The following FAF1 variants were observed in gnomAD, a reference collection of about 807,000 sequenced individuals.
The protein encoded by FAF1 is FAS-associated factor 1.
FAF1 carries 25 observed loss-of-function variants against 92.5 expected under a neutral mutation model. The observed-to-expected ratio is 0.27, with a 90% CI of 0.20 to 0.38. The LOEUF is 0.38. Ranked by LOEUF, FAF1 falls within the 10% of genes least tolerant of loss-of-function variation. The pLI, the probability that FAF1 is intolerant of heterozygous loss-of-function variation, is 1.00. For missense variants in FAF1, 636 were observed against 793.3 expected, an observed-to-expected ratio of 0.80 and a Z score of 2.38; for synonymous variants, 234 against 273.2, an observed-to-expected ratio of 0.86 and a Z score of 1.42.
At chr1:50,490,760 A>G (rs1646829881) in intron 16 of FAF1, 95 bp from the exon 17 acceptor site, 2 of 834,656 alleles carry the variant, frequency 2.4e-6, no homozygotes, top group Admixed American at 3.7e-5. Context: ...AAGAGGAAAG[A>G]AAGAGTATGT....
chr1:50,599,717 G>A (rs966689827), intron 8 of FAF1, among the ~76,000 whole-genome samples: 2 of 152,148 alleles, frequency 1.3e-5, no homozygotes, highest in Non-Finnish European at 2.9e-5. Context: ...TGAAGAAAAA[G>A]CATGTGTGTT....
chr1:50,827,956 G>T (rs927339554), intron 2 of FAF1, among the ~76,000 whole-genome samples: 1 of 152,050 alleles, frequency 6.6e-6, no homozygotes, highest in African/African-American at 2.4e-5. Context: ...AATCTGATAT[G>T]ATCTCAATTA....
intron 14 of FAF1, among the ~76,000 whole-genome samples, chr1:50,539,060 C>T (rs933200412): frequency 2.6e-5 from 4 of 152,212 alleles, no homozygotes; most frequent in African/African-American, 9.6e-5. Context: ...CAAAATCATT[C>T]ACTTCTTTTT....
chr1:50,554,390 T>TAGGG (rs1553226289), intron 13 of FAF1, among the ~76,000 whole-genome samples: 1 of 93,706 alleles, frequency 1.1e-5, no homozygotes, highest in Non-Finnish European at 2.0e-5. Flanking sequence ...TATATATATA[T>TAGGG]AGAGAGAGAG....
chr1:50,853,636 CTTTCACTTTA>C (rs1247941110), intron 2 of FAF1, among the ~76,000 whole-genome samples: 1 of 152,002 alleles, frequency 6.6e-6, no homozygotes, highest in East Asian at 1.9e-4. Flanking sequence ...TTAATGTTTA[CTTTCACTTTA>C]TTTCACTTAA....
chr1:50,783,822 C>T (rs1661267786), intron 4 of FAF1, among the ~76,000 whole-genome samples: 1 of 152,104 alleles, frequency 6.6e-6, no homozygotes, highest in Admixed American at 6.5e-5. Flanking sequence ...TTGCAGTGAA[C>T]CAAGATCACA....
intron 12 of FAF1, among the ~76,000 whole-genome samples, chr1:50,578,774 T>C (rs1650864895): frequency 6.6e-6 from 1 of 150,932 alleles, no homozygotes; most frequent in Non-Finnish European, 1.5e-5. Flanking sequence ...ACAATTACTA[T>C]ACGTACACAG....
chr1:50,620,285 T>G (rs866037918), intron 8 of FAF1, among the ~76,000 whole-genome samples: 1 of 152,230 alleles, frequency 6.6e-6, no homozygotes, highest in South Asian at 2.1e-4. Context: ...TATTTTTGTC[T>G]GAATGAGTTG....
At chr1:50,604,434 G>A (rs1246388316) in intron 8 of FAF1, among the ~76,000 whole-genome samples, 2 of 152,200 alleles carry the variant, frequency 1.3e-5, no homozygotes, top group African/African-American at 4.8e-5. Context: ...TAAAGTGTTT[G>A]TCCCAAGTCT....
At chr1:50,905,418 T>C (rs962422912) in intron 1 of FAF1, among the ~76,000 whole-genome samples, 1 of 152,214 alleles carries the variant, frequency 6.6e-6, no homozygotes, top group Non-Finnish European at 1.5e-5. Context: ...GATGGCTGGG[T>C]CAAATGGTAT....
chr1:50,913,296 T>C (rs1644898933), intron 1 of FAF1, among the ~76,000 whole-genome samples: 1 of 152,238 alleles, frequency 6.6e-6, no homozygotes, highest in African/African-American at 2.4e-5. Context: ...ACATTTCTTT[T>C]GCACTGCTCA....
In FAF1 at chr1:50,582,685, T is replaced by C. The variant is rs1207156918; in HGVS notation, c.1046A>G (p.His349Arg). 6 of 1,607,794 alleles carry C rather than the reference T, an allele frequency of 3.7e-6. No individual in the cohort carries two copies. Among genetic ancestry groups the C allele is most frequent in the African/African-American group, 1.3e-5 (1 of 74,768 alleles). The stretch of plus-strand genomic sequence containing the variant: ...TAATGAGCCAATAAAAAATACAGGA[T>C]GGCAATCACCATATCTATAGGAAAA... ...AEFSSRYGDC[H>R]PVFFIGSLEA... is the part of the protein sequence containing the mutation. The change falls in exon 12 of 19, where the codon CAT becomes CGT. Residue 349 changes from histidine to arginine, a missense_variant. Coordinates refer to ENST00000396153, the MANE Select transcript of FAF1 (RefSeq NM_007051.3).
chr1:50,863,021 G>GA (rs1644448720), intron 1 of FAF1, among the ~76,000 whole-genome samples: 1 of 151,852 alleles, frequency 6.6e-6, no homozygotes, highest in South Asian at 2.1e-4. Context: ...GGACTTAACA[G>GA]ACATTTACAG....
intron 18 of FAF1, among the ~76,000 whole-genome samples, chr1:50,464,947 T>C (rs1159759827): frequency 1.3e-5 from 2 of 152,198 alleles, no homozygotes; most frequent in African/African-American, 2.4e-5. Flanking sequence ...AGTCTAGGCA[T>C]TGGTAACCTT....
At chr1:50,768,281 C>G (rs746952313) in intron 4 of FAF1, among the ~76,000 whole-genome samples, 3 of 152,000 alleles carry the variant, frequency 2.0e-5, no homozygotes, top group Non-Finnish European at 4.4e-5. Context: ...CATAAAAGCA[C>G]CCGGATTCAT....
intron 15 of FAF1, among the ~76,000 whole-genome samples, chr1:50,516,284 C>T (rs1302657221): frequency 6.6e-6 from 1 of 152,174 alleles, no homozygotes; most frequent in Non-Finnish European, 1.5e-5. Context: ...CCTAGCCTAT[C>T]CTCATCTCTT....
At chr1:50,598,879 A>G (rs950637848) in intron 8 of FAF1, among the ~76,000 whole-genome samples, 7 of 152,104 alleles carry the variant, frequency 4.6e-5, no homozygotes, top group African/African-American at 1.4e-4. Context: ...CTGAGGCAGG[A>G]GAATTGCTTG....
intron 8 of FAF1, among the ~76,000 whole-genome samples, chr1:50,601,400 G>T (rs965863867): frequency 6.6e-6 from 1 of 152,150 alleles, no homozygotes; most frequent in South Asian, 2.1e-4. Context: ...TAGGCTGGGC[G>T]TGGTGGCTCG....
chr1:50,694,078 A>C (rs1478996666), intron 7 of FAF1, among the ~76,000 whole-genome samples: 1 of 151,874 alleles, frequency 6.6e-6, no homozygotes, highest in African/African-American at 2.4e-5. Context: ...TATACATGAC[A>C]TATATATAAA....
Sources: allele counts gnomAD v4.1 joint callset (sites outside exome capture counted in the v4.1 genomes callset), GRCh38; gene constraint gnomAD v4.1.1; transcripts MANE v1.5; gene names NCBI Gene and HGNC (gene_info 2026-07-23, HGNC 2026-07-21).